Variants in LSG1 observed in about 807,000 individuals in gnomAD.
LSG1 encodes the protein large subunit GTPase 1 homolog.
LSG1 carries 55 observed loss-of-function variants against 82.6 expected under a neutral mutation model. The ratio of observed to expected loss-of-function variants is 0.67; its 90% CI spans 0.54 to 0.83. The LOEUF is 0.83. Among genes scored for constraint, LSG1 ranks in the 40% least tolerant of loss-of-function variants. LSG1 has a pLI of 0.00. For missense variants in LSG1, 809 were observed against 807.9 expected (o/e 1.00, Z -0.02); for synonymous variants, 272 against 282.5 (o/e 0.96, Z 0.37).
chr3:194,661,745 AT>A (rs1718935130), intron 5 of LSG1, among the ~76,000 whole-genome samples: 1 of 152,220 alleles, frequency 6.6e-6, no homozygotes, highest in Non-Finnish European at 1.5e-5. Flanking sequence ...TTAAATAAAT[AT>A]TTCTGTGTAA....
At chr3:194,643,187 CA>C (rs971962359) in intron 13 of LSG1, among the ~76,000 whole-genome samples, 6 of 152,204 alleles carry the variant, frequency 3.9e-5, no homozygotes, top group African/African-American at 1.4e-4. Flanking sequence ...ATACTGCCTA[CA>C]AATTGTAGCT....
chr3:194,644,949 A>G, intron 12 of LSG1: 5 of 404,066 alleles, frequency 1.2e-5, no homozygotes. Flanking sequence ...AGCTCTTCCC[A>G]TGGCGCCCCA....
intron 2 of LSG1, among the ~76,000 whole-genome samples, chr3:194,668,740 T>C (rs1179538233): frequency 6.6e-6 from 1 of 152,210 alleles, no homozygotes; most frequent in Non-Finnish European, 1.5e-5. Context: ...CCATGAGACA[T>C]ACCTGCACTC....
intron 8 of LSG1, 52 bp from the exon 9 acceptor site, chr3:194,651,268 GA>G (rs747234640): frequency 3.2e-6 from 4 of 1,245,776 alleles, no homozygotes; most frequent in Non-Finnish European, 4.7e-6. Flanking sequence ...TCTATCAAAA[GA>G]CTCAAAGATA....
At chr3:194,642,768 T>C (rs1477948621) in intron 13 of LSG1, among the ~76,000 whole-genome samples, 1 of 152,246 alleles carries the variant, frequency 6.6e-6, no homozygotes, top group Non-Finnish European at 1.5e-5. Context: ...TGAAATGTTC[T>C]GTATGACAGC....
chr3:194,664,203 T>G (rs1718987087), intron 5 of LSG1, among the ~76,000 whole-genome samples: 1 of 152,182 alleles, frequency 6.6e-6, no homozygotes, highest in African/African-American at 2.4e-5. Context: ...TCCACCTGCC[T>G]GGACCTCCTA....
At chr3:194,661,997 A>C (rs9855926) in intron 5 of LSG1, among the ~76,000 whole-genome samples, 98,967 of 152,050 alleles carry the variant, frequency 0.65, 32,857 homozygotes, top group East Asian at 0.87. Flanking sequence ...CTCAAAACCT[A>C]CAAAAACAAA....
intron 11 of LSG1, chr3:194,646,507 CTCTTT>C: frequency 3.3e-6 from 1 of 299,742 alleles, no homozygotes; most frequent in Non-Finnish European, 6.2e-6. Flanking sequence ...GTTATTTCTT[CTCTTT>C]ATTTTATTTT....
chr3:194,669,044 G>C (rs1185634669), intron 2 of LSG1, among the ~76,000 whole-genome samples: 1 of 152,138 alleles, frequency 6.6e-6, no homozygotes, highest in Non-Finnish European at 1.5e-5. Context: ...TAGGGAGTGG[G>C]GCAAATAGGA....
chr3:194,670,598 T>C (rs1362768132), intron 1 of LSG1, among the ~76,000 whole-genome samples: 1 of 152,094 alleles, frequency 6.6e-6, no homozygotes, highest in African/African-American at 2.4e-5. Context: ...TTCAGTACAG[T>C]AAAATGGCAA....
At chr3:194,645,248 G>C (rs1718494783) in intron 12 of LSG1, 1 of 152,238 alleles carries the variant, frequency 6.6e-6, no homozygotes, top group Admixed American at 6.6e-5. Context: ...ACAGTAAGTG[G>C]TAAACGAATA....
intron 11 of LSG1, among the ~76,000 whole-genome samples, chr3:194,647,864 T>C (rs916419577): frequency 3.4e-5 from 5 of 148,966 alleles, no homozygotes; most frequent in Non-Finnish European, 7.5e-5. Flanking sequence ...TTTCTTGTTC[T>C]ATGAATCTGT....
At chr3:194,648,926 G>A in intron 10 of LSG1, 122 bp from the exon 11 acceptor site, 4 of 960,568 alleles carry the variant, frequency 4.2e-6, no homozygotes, top group Non-Finnish European at 6.2e-6. Context: ...CTCTCCAAAG[G>A]AAGAGGATAG....
In LSG1 at chr3:194,642,226, TG is replaced by T. The variant is rs1460786326; in HGVS notation, c.1818del (p.Gly608GlufsTer5). ...FFHQENVRAL[T>X]KGVQAVMGYK... is the part of the protein sequence containing the mutation. ...TAACCCATCACAGCCTGGACTCCTT[TG>T]GTCAAAGCCCTCACATTCTCCTAGG... is the stretch of plus-strand genomic sequence containing the variant. On this transcript the variant is annotated frameshift_variant, in exon 14 of 14. Transcript: ENST00000265245. LOFTEE classifies it high-confidence loss of function. 5.0e-6 allele frequency: 8 copies of T among 1,613,578 alleles called. No homozygotes were observed. The highest frequency in any genetic ancestry group is 6.8e-6 in the Non-Finnish European group (8 of 1,179,868).
intron 12 of LSG1, among the ~76,000 whole-genome samples, chr3:194,645,577 C>G (rs4677770): frequency 3.0e-5 from 1 of 33,300 alleles, no homozygotes; most frequent in African/African-American, 8.0e-5. Flanking sequence ...CACAGACAGA[C>G]ACACACACAC....
chr3:194,648,440 G>A (rs1427296903), intron 11 of LSG1, among the ~76,000 whole-genome samples: 2 of 152,080 alleles, frequency 1.3e-5, no homozygotes, highest in African/African-American at 4.8e-5. Flanking sequence ...AGCCTACGAT[G>A]AGAACCCCTG....
chr3:194,643,758 C>T (rs1300506777), intron 13 of LSG1, among the ~76,000 whole-genome samples: 1 of 152,168 alleles, frequency 6.6e-6, no homozygotes, highest in Non-Finnish European at 1.5e-5. Flanking sequence ...GTGTTCATTA[C>T]ACCATTATTC....
chr3:194,645,527 C>CACACAG (rs1718510636), intron 12 of LSG1: 1 of 37,058 alleles, frequency 2.7e-5, no homozygotes, highest in African/African-American at 9.8e-5. Flanking sequence ...CACACACACA[C>CACACAG]ACAGACAGAC....
intron 2 of LSG1, among the ~76,000 whole-genome samples, chr3:194,667,948 T>TATATATATATAC: frequency 1.7e-5 from 1 of 59,114 alleles, no homozygotes; most frequent in Non-Finnish European, 3.0e-5. Context: ...AAAAAATATA[T>TATATATATATAC]ATATATATAT....
Sources: allele counts gnomAD v4.1 joint callset (sites outside exome capture counted in the v4.1 genomes callset), GRCh38; gene constraint gnomAD v4.1.1; transcripts MANE v1.5; gene names NCBI Gene and HGNC (gene_info 2026-07-23, HGNC 2026-07-21).